The following PTPN14 variants were observed in gnomAD, a reference collection of about 807,000 sequenced individuals.
The protein encoded by PTPN14 is tyrosine-protein phosphatase non-receptor type 14.
In PTPN14, 53 loss-of-function variants were observed where a neutral mutation model predicts 126.8. The ratio of observed to expected loss-of-function variants is 0.42; its 90% CI spans 0.34 to 0.53. The LOEUF (loss-of-function observed/expected upper bound fraction) is 0.53. Among genes scored for constraint, PTPN14 ranks in the 20% least tolerant of loss-of-function variants. The probability of loss-of-function intolerance (pLI) is 0.08; values close to 1 mark genes in which losing one functional copy is unlikely to be tolerated. For missense variants in PTPN14, 1,257 were observed against 1,552.9 expected (o/e 0.81, Z 3.20); for synonymous variants, 630 against 599.3 (o/e 1.05, Z -0.75).
At chr1:214,363,708 A>C (rs1215279090) in intron 18 of PTPN14, among the ~76,000 whole-genome samples, 1 of 152,236 alleles carries the variant, frequency 6.6e-6, no homozygotes, top group African/African-American at 2.4e-5. Flanking sequence ...TGAAATAGGA[A>C]GAGTGACATG....
intron 17 of PTPN14, among the ~76,000 whole-genome samples, chr1:214,365,560 G>A (rs1658061563): frequency 6.6e-6 from 1 of 152,158 alleles, no homozygotes; most frequent in Non-Finnish European, 1.5e-5. Flanking sequence ...TTGATACTCA[G>A]TGAACCTCAT....
intron 18 of PTPN14, among the ~76,000 whole-genome samples, chr1:214,363,771 C>G (rs1310530190): frequency 6.6e-6 from 1 of 152,206 alleles, no homozygotes; most frequent in African/African-American, 2.4e-5. Flanking sequence ...CTTAAAACTT[C>G]TAATGTCCCA....
At chr1:214,490,852 A>AGAGAAGGGAGGGGAGGGGAG (rs1661216327) in intron 1 of PTPN14, among the ~76,000 whole-genome samples, 1 of 24,102 alleles carries the variant, frequency 4.1e-5, no homozygotes, top group African/African-American at 1.9e-4. Context: ...AAGGAAAGGA[A>AGAGAAGGGAGGGGAGGGGAG]GGGAAGGGAG....
At chr1:214,402,104 CATT>C (rs1165158481) in intron 6 of PTPN14, among the ~76,000 whole-genome samples, 3 of 150,862 alleles carry the variant, frequency 2.0e-5, no homozygotes, top group Non-Finnish European at 4.4e-5. Flanking sequence ...GAGAAATCTT[CATT>C]ATTAAAAAAA....
At chr1:214,549,247 G>A (rs778094007) in intron 1 of PTPN14, among the ~76,000 whole-genome samples, 1 of 152,160 alleles carries the variant, frequency 6.6e-6, no homozygotes, top group Non-Finnish European at 1.5e-5. Flanking sequence ...ACCCTTGAAA[G>A]GCAAACCACG....
chr1:214,497,164 G>A (rs1470853784), intron 1 of PTPN14, among the ~76,000 whole-genome samples: 1 of 152,028 alleles, frequency 6.6e-6, no homozygotes, highest in Non-Finnish European at 1.5e-5. Context: ...CAACAACCTG[G>A]AGGAAAATAC....
intron 13 of PTPN14, among the ~76,000 whole-genome samples, chr1:214,382,153 G>A (rs566286503): frequency 2.6e-5 from 4 of 152,022 alleles, no homozygotes; most frequent in South Asian, 2.1e-4. Context: ...TGCCCACCTC[G>A]GCCTCCCAAA....
chr1:214,520,065 A>ATATATATATATATATATATATAT (rs1553274992), intron 1 of PTPN14, among the ~76,000 whole-genome samples: 7 of 71,112 alleles, frequency 9.8e-5, no homozygotes, highest in African/African-American at 4.4e-4. Context: ...AAAAAAAAAA[A>ATATATATATATATATATATATAT]ATATATATAT....
At chr1:214,523,509 A>G (rs1451754258) in intron 1 of PTPN14, among the ~76,000 whole-genome samples, 1 of 152,214 alleles carries the variant, frequency 6.6e-6, no homozygotes, top group African/African-American at 2.4e-5. Context: ...AGGCTACACC[A>G]TCTAGCCTAG....
intron 1 of PTPN14, among the ~76,000 whole-genome samples, chr1:214,498,652 T>G (rs966228843): frequency 1.3e-5 from 2 of 152,160 alleles, no homozygotes; most frequent in East Asian, 3.8e-4. Context: ...CAATTTCCCA[T>G]CCACAAGAAA....
At chr1:214,469,938 T>C (rs919744795) in intron 1 of PTPN14, among the ~76,000 whole-genome samples, 6 of 152,178 alleles carry the variant, frequency 3.9e-5, no homozygotes, top group Non-Finnish European at 7.3e-5. Flanking sequence ...AGTTACTTAA[T>C]ATATAGTTTT....
chr1:214,437,922 A>G (rs1387185032), intron 3 of PTPN14, among the ~76,000 whole-genome samples: 1 of 152,228 alleles, frequency 6.6e-6, no homozygotes, highest in African/African-American at 2.4e-5. Context: ...CAATGATCAA[A>G]AACAGATTTT....
intron 1 of PTPN14, among the ~76,000 whole-genome samples, chr1:214,525,669 T>A (rs1024430886): frequency 6.6e-6 from 1 of 152,168 alleles, no homozygotes; most frequent in African/African-American, 2.4e-5. Flanking sequence ...GGTGTTCAGC[T>A]GGGAAGCTTA....
chr1:214,399,327 A>AC (rs1658963804), intron 7 of PTPN14, among the ~76,000 whole-genome samples: 1 of 151,984 alleles, frequency 6.6e-6, no homozygotes, highest in South Asian at 2.1e-4. Context: ...AGAGATAGAT[A>AC]TTTTTTTCCT....
intron 1 of PTPN14, among the ~76,000 whole-genome samples, chr1:214,522,985 G>A (rs1571644383): frequency 6.6e-6 from 1 of 152,156 alleles, no homozygotes; most frequent in Non-Finnish European, 1.5e-5. Context: ...TGAAATTGTG[G>A]TGGTGATCAG....
rs566055778 is a variant in PTPN14, at chr1:214,475,824, C to A, written c.-154-10867G>T. 1.8e-4 allele frequency among the ~76,000 whole-genome samples: 28 copies of A among 152,258 alleles called. No homozygotes were observed. In the South Asian group the frequency reaches 4.1e-3, roughly 23 times the overall value. On this transcript the variant is annotated intron_variant, in intron 1 of 18. Coordinates refer to ENST00000366956, the MANE Select transcript of PTPN14 (RefSeq NM_005401.5). ...CTAAAGAGAGGAAATAACTTCCCCC[C>A]ACGATCACTCAGTGACTAAAGACAA...
intron 14 of PTPN14, among the ~76,000 whole-genome samples, chr1:214,376,948 A>G (rs1658356107): frequency 6.6e-6 from 1 of 152,240 alleles, no homozygotes; most frequent in Non-Finnish European, 1.5e-5. Context: ...CTGGATACAT[A>G]CTGGCAGAAA....
chr1:214,525,149 A>C (rs1426000884), intron 1 of PTPN14, among the ~76,000 whole-genome samples: 1 of 152,200 alleles, frequency 6.6e-6, no homozygotes, highest in Non-Finnish European at 1.5e-5. Flanking sequence ...AAGATTCAGA[A>C]GTCGGTGCCA....
chr1:214,417,717 C>T (rs971741994), intron 3 of PTPN14, among the ~76,000 whole-genome samples: 4 of 152,096 alleles, frequency 2.6e-5, no homozygotes, highest in South Asian at 2.1e-4. Context: ...TGAGCAGGTC[C>T]GTGTGGTGTT....
Sources: allele counts gnomAD v4.1 joint callset (sites outside exome capture counted in the v4.1 genomes callset), GRCh38; gene constraint gnomAD v4.1.1; transcripts MANE v1.5; gene names NCBI Gene and HGNC (gene_info 2026-07-23, HGNC 2026-07-21).